Variants in MAPKAP1 observed in about 807,000 individuals in gnomAD.
MAPKAP1 encodes the protein target of rapamycin complex 2 subunit MAPKAP1.
Under a neutral mutation model 65.7 loss-of-function variants are expected in MAPKAP1, and 20 were observed. That is an observed-to-expected ratio of 0.30 (90% CI 0.21 to 0.44). The LOEUF is 0.44. Ranked by LOEUF, MAPKAP1 falls within the 20% of genes least tolerant of loss-of-function variation. The pLI is 1.00. For missense variants in MAPKAP1, 423 were observed against 648.0 expected (o/e 0.65, Z 3.77); for synonymous variants, 222 against 244.3 (o/e 0.91, Z 0.85).
chr9:125,465,733 C>T (rs1311366402), intron 10 of MAPKAP1, among the ~76,000 whole-genome samples: 2 of 152,078 alleles, frequency 1.3e-5, no homozygotes, highest in Non-Finnish European at 2.9e-5. Flanking sequence ...GTGGGAGAGA[C>T]GGGTGGGCCT....
chr9:125,628,197 A>C (rs1421892430), intron 4 of MAPKAP1, among the ~76,000 whole-genome samples: 2 of 152,216 alleles, frequency 1.3e-5, no homozygotes, highest in African/African-American at 4.8e-5. Context: ...CTGAATCTTA[A>C]AGGATAAACA....
At chr9:125,592,673 G>T (rs531672378) in intron 4 of MAPKAP1, among the ~76,000 whole-genome samples, 59 of 152,130 alleles carry the variant, frequency 3.9e-4, no homozygotes, top group Non-Finnish European at 7.4e-4. Context: ...GGGAGGCCGA[G>T]GCGGGCAGAT....
At chr9:125,610,432 T>G (rs1832565041) in intron 4 of MAPKAP1, among the ~76,000 whole-genome samples, 1 of 152,166 alleles carries the variant, frequency 6.6e-6, no homozygotes, top group Admixed American at 6.5e-5. Flanking sequence ...AAAGAGAATC[T>G]AGAATGAAAA....
chr9:125,602,706 T>A (rs1180652708), intron 4 of MAPKAP1, among the ~76,000 whole-genome samples: 1 of 152,154 alleles, frequency 6.6e-6, no homozygotes, highest in African/African-American at 2.4e-5. Context: ...TGGGCACCTA[T>A]CAGGGTCCAA....
At chr9:125,495,989 A>AGC (rs1252996127) in intron 8 of MAPKAP1, among the ~76,000 whole-genome samples, 1 of 152,246 alleles carries the variant, frequency 6.6e-6, no homozygotes, top group African/African-American at 2.4e-5. Flanking sequence ...ACGCTTGTAT[A>AGC]GTGCACTGCA....
chr9:125,577,798 G>A (rs1831486556), intron 5 of MAPKAP1, among the ~76,000 whole-genome samples: 1 of 149,514 alleles, frequency 6.7e-6, no homozygotes, highest in Admixed American at 6.6e-5. Context: ...GCCCCGTCCA[G>A]GAGGGAGGAT....
At chr9:125,477,641 T>C (rs7038668) in intron 9 of MAPKAP1, among the ~76,000 whole-genome samples, 79,807 of 152,036 alleles carry the variant, frequency 0.52, 21,583 homozygotes, top group African/African-American at 0.67. Flanking sequence ...TGTGCTTTCC[T>C]TTGGCTGGTG....
chr9:125,662,661 C>T (rs546730201), intron 3 of MAPKAP1, among the ~76,000 whole-genome samples: 7 of 151,570 alleles, frequency 4.6e-5, no homozygotes, highest in South Asian at 4.2e-4. Flanking sequence ...CCAGCCTGGG[C>T]GACAGAGCAA....
intron 10 of MAPKAP1, among the ~76,000 whole-genome samples, chr9:125,457,332 T>C (rs1853219493): frequency 6.6e-6 from 1 of 152,226 alleles, no homozygotes; most frequent in Non-Finnish European, 1.5e-5. Context: ...TTCTCAGCTC[T>C]GGAATTTTCA....
chr9:125,445,868 A>G (rs1296638950), intron 10 of MAPKAP1, among the ~76,000 whole-genome samples: 2 of 152,258 alleles, frequency 1.3e-5, no homozygotes, highest in African/African-American at 4.8e-5. Flanking sequence ...AACAGTGCCC[A>G]AGAGAGACAC....
At chr9:125,693,178 C>T (rs542926185) in intron 1 of MAPKAP1, among the ~76,000 whole-genome samples, 2 of 151,746 alleles carry the variant, frequency 1.3e-5, no homozygotes, top group African/African-American at 2.4e-5. Flanking sequence ...TTTGGGAGGC[C>T]GAGGCAGGCG....
chr9:125,524,230 T>TG (rs1327914320), intron 7 of MAPKAP1, among the ~76,000 whole-genome samples: 1 of 152,130 alleles, frequency 6.6e-6, no homozygotes, highest in Non-Finnish European at 1.5e-5. Context: ...ACAGTGATGG[T>TG]GGGGTCAAGC....
intron 7 of MAPKAP1, among the ~76,000 whole-genome samples, chr9:125,539,230 A>T (rs946499038): frequency 6.6e-6 from 1 of 152,250 alleles, no homozygotes; most frequent in African/African-American, 2.4e-5. Flanking sequence ...CAATATTTTA[A>T]GAACTTTTTA....
At chr9:125,454,175 G>C (rs1457260483) in intron 10 of MAPKAP1, among the ~76,000 whole-genome samples, 1 of 152,200 alleles carries the variant, frequency 6.6e-6, no homozygotes, top group Admixed American at 6.5e-5. Flanking sequence ...AATAAATTAA[G>C]AACAATGGCT....
chr9:125,533,450 C>T (rs13293514), intron 7 of MAPKAP1, among the ~76,000 whole-genome samples: 9,797 of 151,694 alleles, frequency 0.065, 437 homozygotes, highest in Non-Finnish European at 0.091. Flanking sequence ...TGGGCATAAA[C>T]TTTTTCTTTT....
chr9:125,614,841 GA>G (rs1490092103), intron 4 of MAPKAP1, among the ~76,000 whole-genome samples: 2 of 152,056 alleles, frequency 1.3e-5, no homozygotes, highest in African/African-American at 4.8e-5. Flanking sequence ...TGAAATATTG[GA>G]AACATTTCCT....
chr9:125,597,154 A>G (rs1196198602), intron 4 of MAPKAP1, among the ~76,000 whole-genome samples: 1 of 148,400 alleles, frequency 6.7e-6, no homozygotes, highest in East Asian at 2.1e-4. Flanking sequence ...AGTCCCAGCT[A>G]CTTGGGAGGC....
intron 6 of MAPKAP1, among the ~76,000 whole-genome samples, chr9:125,547,385 C>G (rs567885312): frequency 6.6e-6 from 1 of 152,110 alleles, no homozygotes; most frequent in Admixed American, 6.5e-5. Flanking sequence ...ACCCTTTGAC[C>G]GAAATCTTGG....
chr9:125,566,776 C>T (rs1831067713), intron 5 of MAPKAP1, among the ~76,000 whole-genome samples: 1 of 152,154 alleles, frequency 6.6e-6, no homozygotes, highest in African/African-American at 2.4e-5. Flanking sequence ...TCTTTTCATT[C>T]ATCCATGCTA....
Sources: gnomAD v4.1 joint callset for allele counts (sites outside exome capture counted in the v4.1 genomes callset) on GRCh38, gnomAD v4.1.1 for gene constraint, MANE v1.5 for transcripts, NCBI Gene and HGNC (gene_info 2026-07-23, HGNC 2026-07-21) for gene names.